MREG: variants seen among roughly 807,000 people sequenced by gnomAD.
MREG encodes dilute suppressor protein homolog.
MREG carries 31 observed loss-of-function variants against 28.5 expected under a neutral mutation model. The observed-to-expected ratio is 1.09, with a 90% CI of 0.82 to 1.47. The LOEUF (loss-of-function observed/expected upper bound fraction) is 1.47, where lower values mean the gene tolerates loss of function less well. MREG is among the 40% of genes most tolerant of loss of function. The probability of loss-of-function intolerance (pLI) is 0.00; values close to 1 mark genes in which losing one functional copy is unlikely to be tolerated. For synonymous variants in MREG, 106 were observed against 95.2 expected, an observed-to-expected ratio of 1.11 and a Z score of -0.66; for missense variants, 256 against 257.4, an observed-to-expected ratio of 0.99 and a Z score of 0.04.
chr2:216,030,910 G>T (rs966451401), intron 1 of MREG, among the ~76,000 whole-genome samples: 1 of 145,320 alleles, frequency 6.9e-6, no homozygotes, highest in South Asian at 2.2e-4. Flanking sequence ...GAACACACAA[G>T]CCCACTATGA....
At chr2:215,976,652 G>C (rs1325572982) in intron 2 of MREG, among the ~76,000 whole-genome samples, 1 of 152,170 alleles carries the variant, frequency 6.6e-6, no homozygotes, top group South Asian at 2.1e-4. Context: ...TCAGTTGTCG[G>C]GAAGCCCATC....
chr2:215,993,469 TA>T (rs1693775312), intron 2 of MREG, among the ~76,000 whole-genome samples: 1 of 152,094 alleles, frequency 6.6e-6, no homozygotes. Context: ...ATAAAAACCC[TA>T]GGAGAAAACT....
chr2:216,000,549 T>C (rs958068755), intron 1 of MREG, among the ~76,000 whole-genome samples: 1 of 152,090 alleles, frequency 6.6e-6, no homozygotes, highest in African/African-American at 2.4e-5. Flanking sequence ...TTTCCTGGCA[T>C]TGGTCTTCCA....
intron 1 of MREG, 76 bp from the exon 2 acceptor site, chr2:215,996,541 C>T: frequency 9.6e-7 from 1 of 1,039,684 alleles, no homozygotes; most frequent in Middle Eastern, 2.5e-4. Context: ...ATGCAACATA[C>T]AATATCAATT....
chr2:216,006,648 C>T (rs1041276211), intron 1 of MREG, among the ~76,000 whole-genome samples: 7 of 152,204 alleles, frequency 4.6e-5, no homozygotes, highest in Non-Finnish European at 8.8e-5. Flanking sequence ...GCCATCTGGG[C>T]CCCGGTCTGA....
intron 2 of MREG, among the ~76,000 whole-genome samples, chr2:215,968,556 C>T (rs1693006836): frequency 6.6e-6 from 1 of 152,094 alleles, no homozygotes; most frequent in Non-Finnish European, 1.5e-5. Context: ...CCTCTCAGTT[C>T]TAGCACTCCC....
chr2:215,956,291 G>C (rs1464304645), intron 2 of MREG, among the ~76,000 whole-genome samples: 1 of 152,106 alleles, frequency 6.6e-6, no homozygotes, highest in Non-Finnish European at 1.5e-5. Context: ...TATGTAAAGA[G>C]ATAAGAGTGG....
At chr2:216,002,662 CT>C (rs1194509824) in intron 1 of MREG, among the ~76,000 whole-genome samples, 1 of 152,202 alleles carries the variant, frequency 6.6e-6, no homozygotes, top group Non-Finnish European at 1.5e-5. Context: ...TGCTACCCCC[CT>C]GGCTTCAAGA....
At chr2:215,992,473 A>G (rs1303062439) in intron 2 of MREG, among the ~76,000 whole-genome samples, 1 of 152,224 alleles carries the variant, frequency 6.6e-6, no homozygotes, top group East Asian at 1.9e-4. Context: ...GAATGGGCAA[A>G]AGCTGGAAGC....
chr2:216,023,131 A>G (rs1369033630), intron 1 of MREG, among the ~76,000 whole-genome samples: 2 of 152,212 alleles, frequency 1.3e-5, no homozygotes, highest in East Asian at 1.9e-4. Flanking sequence ...AAGTTCTACC[A>G]AAGTAAAGAC....
intron 1 of MREG, among the ~76,000 whole-genome samples, chr2:216,025,778 C>A (rs1004239972): frequency 1.3e-5 from 2 of 152,180 alleles, no homozygotes; most frequent in African/African-American, 2.4e-5. Flanking sequence ...ATCTAGAGCC[C>A]GTGAATCTCA....
upstream of MREG, among the ~76,000 whole-genome samples, chr2:216,033,498 C>A (rs1452897105): frequency 6.6e-6 from 1 of 152,012 alleles, no homozygotes; most frequent in Non-Finnish European, 1.5e-5. Context: ...AAGGAACTGG[C>A]AGAAAAGGGC....
intron 1 of MREG, among the ~76,000 whole-genome samples, chr2:216,025,461 T>C (rs146704296): frequency 6.6e-6 from 1 of 152,334 alleles, no homozygotes; most frequent in East Asian, 1.9e-4. Flanking sequence ...AGATTTATTA[T>C]GAGTGTGCAT....
chr2:215,945,070 A>G lies in MREG; in HGVS notation c.511-73T>C, dbSNP rs1010820428. The G allele has an allele frequency of 2.8e-6, 4 of 1,435,308 alleles. No individual in the cohort carries two copies. In the East Asian group the frequency reaches 9.7e-5, roughly 35 times the overall value. 88.9% of individuals were successfully genotyped at this position (1,435,308 alleles called of 1,614,324 possible). ...CAAGACATGTCGATGGGAAAAAGCA[A>G]TCTAACAACAACAAAACCCACCCTG... On this transcript the variant is annotated intron_variant, in intron 4 of 4. Coordinates refer to ENST00000263268, the MANE Select transcript of MREG (RefSeq NM_018000.3).
chr2:215,992,617 T>C (rs1043129868), intron 2 of MREG, among the ~76,000 whole-genome samples: 2 of 152,098 alleles, frequency 1.3e-5, no homozygotes, highest in African/African-American at 2.4e-5. Flanking sequence ...AGAGAGGAAG[T>C]CAAATTGTCT....
At chr2:215,984,450 C>T (rs142213603) in intron 2 of MREG, among the ~76,000 whole-genome samples, 81 of 139,152 alleles carry the variant, frequency 5.8e-4, no homozygotes, top group African/African-American at 2.0e-3. Context: ...CCCAGGAGGT[C>T]GAGGCTATCA....
In MREG at chr2:215,999,876, A is replaced by C. The variant is rs563634690; in HGVS notation, c.96-3411T>G. On this transcript the variant is annotated intron_variant, in intron 1 of 4. Coordinates refer to ENST00000263268, the MANE Select transcript of MREG (RefSeq NM_018000.3). ...GTTTAGGAGCAAGGACAGGGTAGAG[A>C]TCTAGATGTGGGAGCAATACGCAGC... 1.0e-3 allele frequency among the ~76,000 whole-genome samples: 154 copies of C among 152,286 alleles called. 1 individual carries two copies. Among genetic ancestry groups the C allele is most frequent in the African/African-American group, 3.6e-3 (151 of 41,552 alleles).
chr2:215,945,849 A>G, intron 3 of MREG, 115 bp from the exon 4 acceptor site: 1 of 867,276 alleles, frequency 1.2e-6, no homozygotes, highest in Non-Finnish European at 1.7e-6. Context: ...TACAAGCATA[A>G]AGCATCAGAA....
chr2:216,033,250 T>C (rs1303768240), upstream of MREG, among the ~76,000 whole-genome samples: 1 of 152,212 alleles, frequency 6.6e-6, no homozygotes, highest in African/African-American at 2.4e-5. Flanking sequence ...TAAGTTGGAA[T>C]ATTTTAAAGT....
Sources: gnomAD v4.1 joint callset for allele counts (sites outside exome capture counted in the v4.1 genomes callset) on GRCh38, gnomAD v4.1.1 for gene constraint, MANE v1.5 for transcripts, NCBI Gene and HGNC (gene_info 2026-07-23, HGNC 2026-07-21) for gene names.